Variants in IRX5 observed in about 807,000 individuals in gnomAD.
IRX5 encodes the protein iroquois-class homeodomain protein IRX-5.
In IRX5, 8 loss-of-function variants were observed where a neutral mutation model predicts 37.6. The observed-to-expected ratio is 0.21, with a 90% CI of 0.12 to 0.38. The LOEUF is 0.38. Among genes scored for constraint, IRX5 ranks in the 10% least tolerant of loss-of-function variants. The pLI is 1.00. For synonymous variants in IRX5, 359 were observed against 328.6 expected, an observed-to-expected ratio of 1.09 and a Z score of -1.00; for missense variants, 635 against 695.2, an observed-to-expected ratio of 0.91 and a Z score of 0.97.
In IRX5 at chr16:54,932,901, C is replaced by T; in HGVS notation, c.653C>T (p.Ala218Val). ...AAGGGCGACCCCGAGGGCCCCGAAG[C>T]AGGTTGGTGGACATGGGAAAGGGCG... ...EDKGDPEGPE[A>V]GGAEQKAASG... The change falls in exon 2 of 3, where the codon GCA (alanine) becomes GTA (valine). Residue 218 changes from alanine to valine, a missense_variant and splice_region_variant. Ala to Val is a moderately conservative substitution (Grantham distance 64). Coordinates refer to ENST00000394636, the MANE Select transcript of IRX5 (RefSeq NM_005853.6). This position sits in a 1 kb window ranked among gnomAD's most constrained non-coding sequence, Gnocchi z 6.7. 6.2e-7 allele frequency: 1 copy of T among 1,609,144 alleles called. No individual in the cohort carries two copies. Among genetic ancestry groups the T allele is most frequent in the African/African-American group, 1.3e-5 (1 of 74,626 alleles).
rs1180456488 is a variant in IRX5, at chr16:54,933,165, C to G, written c.744C>G (p.Ser248Arg). 44 of 1,570,766 alleles carry G rather than the reference C, an allele frequency of 2.8e-5. No homozygotes were observed. The highest frequency in any genetic ancestry group is 5.4e-5 in the Admixed American group (3 of 55,760). ...PAGKETEGSL[S>R]DSDFKEPPSE... ...GCAAGGAGACGGAGGGCAGCCTCAG[C>G]GACTCGGATTTTAAGGAGCCGCCCT... is the stretch of plus-strand genomic sequence containing the variant. Residue 248 changes from serine (S) to arginine (R), a missense_variant, in exon 3 of 3, where the codon AGC (serine) becomes AGG (arginine). Ser to Arg is a moderately radical substitution (Grantham distance 110, BLOSUM62 -1). Coordinates refer to ENST00000394636, the MANE Select transcript of IRX5 (RefSeq NM_005853.6).
Position 54,931,184 on chromosome 16 carries a change from T to C in IRX5, c.-15T>C. The stretch of plus-strand genomic sequence containing the variant: ...GGCGGCCGCGGCGCGGCGCGCCCCA[T>C]GCCCGTGTGTGGCCATGTCCTATCC... On this transcript the variant is annotated 5_prime_UTR_variant, in exon 1 of 3. An upstream start codon of the reference 5' UTR is lost. Coordinates refer to ENST00000394636, the MANE Select transcript of IRX5 (RefSeq NM_005853.6). 1 of 1,559,778 alleles carries C rather than the reference T, an allele frequency of 6.4e-7. No homozygotes were observed. Among genetic ancestry groups the C allele is most frequent in the Non-Finnish European group, 8.7e-7 (1 of 1,155,522 alleles).
Position 54,933,606 on chromosome 16 carries a change from G to A in IRX5, c.1185G>A (p.Gly395=). 1.2e-6 allele frequency: 2 copies of A among 1,610,912 alleles called. No homozygotes were observed. Among genetic ancestry groups the A allele is most frequent in the Non-Finnish European group, 1.7e-6 (2 of 1,178,208 alleles). Residue 395 remains glycine, a synonymous_variant, in exon 3 of 3, where the codon GGG becomes GGA. Transcript: ENST00000394636. ...CGGCGCAGTGTCCTTTTCCAGGCGG[G>A]ACGGTGCTGTCCCGGCCTCTCTACT... ...SPSAQCPFPG[G]TVLSRPLYYT... is the part of the protein sequence containing the mutation.
chr16:54,932,066 G>T lies in IRX5; in HGVS notation c.250-432G>T. The stretch of plus-strand genomic sequence containing the variant: ...TTGCATTTCTTAGCTGTTGAAAAAA[G>T]AAAAAAAGAGCCTTGACTTCCCTTG... On this transcript the variant is annotated intron_variant, in intron 1 of 2. Transcript: ENST00000394636. This position sits in a 1 kb window ranked among gnomAD's most constrained non-coding sequence, Gnocchi z 6.7. The T allele has an allele frequency of 1.4e-6, 1 of 702,186 alleles. No homozygotes were observed. Among genetic ancestry groups the T allele is most frequent in the Non-Finnish European group, 2.6e-6 (1 of 384,818 alleles). 43.5% of individuals were successfully genotyped at this position (702,186 alleles called of 1,614,324 possible). A position where few individuals can be genotyped will look rare whatever the true frequency, so the allele number is the denominator to read the frequency against.
At chr16:54,931,538 C>G in intron 1 of IRX5, 91 bp downstream of exon 1, 2 of 1,400,406 alleles carry the variant, frequency 1.4e-6, no homozygotes, top group Non-Finnish European at 1.9e-6. Flanking sequence ...GGCGCCAACA[C>G]CGACCTCCCC....
rs2142355276 is a variant in IRX5, at chr16:54,933,318, C to T, written c.897C>T (p.Gly299=). The T allele has an allele frequency of 6.9e-7, 1 of 1,449,994 alleles. No individual in the cohort carries two copies. Among genetic ancestry groups the T allele is most frequent in the Non-Finnish European group, 9.0e-7 (1 of 1,106,254 alleles). 89.8% of individuals were successfully genotyped at this position (1,449,994 alleles called of 1,614,324 possible). The part of the protein sequence containing the change: ...PHYPAGAPAP[G]PHPAAGEVPP... ...ACCCCGCCGGAGCGCCGGCGCCCGG[C>T]CCGCATCCAGCCGCGGGCGAGGTGC... is the stretch of plus-strand genomic sequence containing the variant. The change falls in exon 3 of 3, where the codon GGC becomes GGT. Residue 299 remains glycine (G), a synonymous_variant. Transcript: ENST00000394636.
Position 54,932,250 on chromosome 16 carries a change from A to T in IRX5, c.250-248A>T. Reference sequence around the variant, plus strand: ...GGCAGATGGGGGCCTACGGGGTGACACCGAGGCCGGGACAGCTTCAGGGGC... The same window carrying T: ...GGCAGATGGGGGCCTACGGGGTGACTCCGAGGCCGGGACAGCTTCAGGGGC... On this transcript the variant is annotated intron_variant, in intron 1 of 2. Transcript: ENST00000394636. This position sits in a 1 kb window ranked among gnomAD's most constrained non-coding sequence, Gnocchi z 6.7. 1.5e-6 allele frequency: 1 copy of T among 681,680 alleles called. No individual in the cohort carries two copies. Among genetic ancestry groups the T allele is most frequent in the African/African-American group, 1.8e-5 (1 of 56,228 alleles). 42.2% of individuals were successfully genotyped at this position (681,680 alleles called of 1,614,324 possible).
chr16:54,933,420 A>G lies in IRX5; in HGVS notation c.999A>G (p.Lys333=). 6.2e-7 allele frequency: 1 copy of G among 1,608,128 alleles called. No homozygotes were observed. Among genetic ancestry groups the G allele is most frequent in the Non-Finnish European group, 8.5e-7 (1 of 1,178,330 alleles). The change falls in exon 3 of 3, where the codon AAA becomes AAG. Residue 333 remains lysine, a synonymous_variant. Coordinates refer to ENST00000394636, the MANE Select transcript of IRX5 (RefSeq NM_005853.6). The part of the protein sequence containing the change: ...PPPPAVLAKP[K]LWSLAEIATS... ...CTCCTGCGGTGCTCGCCAAGCCCAA[A>G]CTGTGGTCTTTGGCAGAGATCGCCA... is the stretch of plus-strand genomic sequence containing the variant.
At position 54,931,118 on chromosome 16, in the gene IRX5, T is replaced by G; in HGVS notation, c.-81T>G. 1 of 1,156,016 alleles carries G rather than the reference T, an allele frequency of 8.7e-7. No homozygotes were observed. Among genetic ancestry groups the G allele is most frequent in the Non-Finnish European group, 1.1e-6 (1 of 928,042 alleles). 71.6% of individuals were successfully genotyped at this position (1,156,016 alleles called of 1,614,324 possible). A position where few individuals can be genotyped will look rare whatever the true frequency, so the allele number is the denominator to read the frequency against. ...CGGCCCAGGGCAGCCAGAGGCCAGG[T>G]GCCCGCCCGCTCGCCCTCGCAGGGC... On this transcript the variant is annotated 5_prime_UTR_variant, in exon 1 of 3. Coordinates refer to ENST00000394636, the MANE Select transcript of IRX5 (RefSeq NM_005853.6).
Position 54,933,546 on chromosome 16 carries a change from G to A in IRX5, c.1125G>A (p.Arg375=). 3 of 1,607,666 alleles carry A rather than the reference G, an allele frequency of 1.9e-6. No individual in the cohort carries two copies. Among genetic ancestry groups the A allele is most frequent in the Non-Finnish European group, 2.5e-6 (3 of 1,176,940 alleles). ...CCGGGCAAGCCCTAGGAGGCAGCCGGGCGTCGCCGGCCCCGGCGCCGTCAC... is the reference window on the plus strand; with the variant it reads ...CCGGGCAAGCCCTAGGAGGCAGCCGAGCGTCGCCGGCCCCGGCGCCGTCAC... ...PIAGQALGGS[R]ASPAPAPSRS... Residue 375 remains arginine, a synonymous_variant, in exon 3 of 3, where the codon CGG becomes CGA. Coordinates refer to ENST00000394636, the MANE Select transcript of IRX5 (RefSeq NM_005853.6).
In IRX5 at chr16:54,932,800, C is replaced by T. The variant is rs756659530; in HGVS notation, c.552C>T (p.Arg184=). Residue 184 remains arginine, a synonymous_variant, in exon 2 of 3, where the codon CGC becomes CGT. Coordinates refer to ENST00000394636, the MANE Select transcript of IRX5 (RefSeq NM_005853.6). This position sits in a 1 kb window ranked among gnomAD's most constrained non-coding sequence, Gnocchi z 6.7. ...ENKMTWTPRN[R]SEDEEEEENI... is the part of the protein sequence containing the mutation. ...AAATGACGTGGACGCCGCGGAACCGCAGCGAGGACGAGGAAGAGGAGGAGA... is the reference window on the plus strand; with the variant it reads ...AAATGACGTGGACGCCGCGGAACCGTAGCGAGGACGAGGAAGAGGAGGAGA... The T allele has an allele frequency of 6.1e-5, 99 of 1,614,048 alleles. No homozygotes were observed. Among genetic ancestry groups the T allele is most frequent in the Non-Finnish European group, 8.4e-5 (99 of 1,180,044 alleles).
Position 54,931,093 on chromosome 16 carries a change from C to T in IRX5, c.-106C>T. 2 of 851,780 alleles carry T rather than the reference C, an allele frequency of 2.3e-6. No individual in the cohort carries two copies. Among genetic ancestry groups the T allele is most frequent in the Non-Finnish European group, 2.9e-6 (2 of 681,400 alleles). 52.8% of individuals were successfully genotyped at this position (851,780 alleles called of 1,614,324 possible). On this transcript the variant is annotated 5_prime_UTR_variant, in exon 1 of 3. Coordinates refer to ENST00000394636, the MANE Select transcript of IRX5 (RefSeq NM_005853.6). ...CCCGGAGCCGGGGCCAGAGGAGCGG[C>T]GGCCCAGGGCAGCCAGAGGCCAGGT... is the stretch of plus-strand genomic sequence containing the variant.
Position 54,933,547 on chromosome 16 carries a change from G to T in IRX5, c.1126G>T (p.Ala376Ser), listed in dbSNP as rs1567391505. ...CGGGCAAGCCCTAGGAGGCAGCCGG[G>T]CGTCGCCGGCCCCGGCGCCGTCACG... ...IAGQALGGSR[A>S]SPAPAPSRSP... Residue 376 changes from alanine to serine, a missense_variant, in exon 3 of 3, where the codon GCG becomes TCG. Around this residue, in one of 5 missense-constraint regions of IRX5, gnomAD observed 188 missense variants for 200.8 expected, o/e 0.94. Transcript: ENST00000394636. The T allele has an allele frequency of 1.9e-6, 3 of 1,607,728 alleles. No individual in the cohort carries two copies. In the South Asian group the frequency reaches 3.3e-5, roughly 18 times the overall value.
In IRX5 at chr16:54,933,883, C is replaced by G; in HGVS notation, c.*10C>G. ...TATGTCCGACATTTAACGCGGGCTG[C>G]GTCGGTCCCGGACTTTTCTAATTTA... On this transcript the variant is annotated 3_prime_UTR_variant, in exon 3 of 3. Transcript: ENST00000394636. 1 of 1,574,108 alleles carries G rather than the reference C, an allele frequency of 6.4e-7. No homozygotes were observed. The highest frequency in any genetic ancestry group is 1.1e-5 in the South Asian group (1 of 87,074).
chr16:54,931,077 G>T lies in IRX5; in HGVS notation c.-122G>T. The T allele has an allele frequency of 1.5e-6, 1 of 681,020 alleles. No homozygotes were observed. 42.2% of individuals were successfully genotyped at this position (681,020 alleles called of 1,614,324 possible). A position where few individuals can be genotyped will look rare whatever the true frequency, so the allele number is the denominator to read the frequency against. On this transcript the variant is annotated 5_prime_UTR_variant, in exon 1 of 3. Transcript: ENST00000394636. ...CGCCGCGGGCCGGAGCCCCGGAGCC[G>T]GGGCCAGAGGAGCGGCGGCCCAGGG... is the stretch of plus-strand genomic sequence containing the variant.
At chr16:54,931,866 C>G (rs754634000) in intron 1 of IRX5, among the ~76,000 whole-genome samples, 1 of 152,186 alleles carries the variant, frequency 6.6e-6, no homozygotes, top group Non-Finnish European at 1.5e-5. Flanking sequence ...TTAATTAGTC[C>G]TCCAAAATGT....
At position 54,932,776 on chromosome 16, in the gene IRX5, A is replaced by G; in HGVS notation, c.528A>G (p.Lys176=). ...GCCGGCGCCTCAAGAAAGAGAATAAAATGACGTGGACGCCGCGGAACCGCA... is the reference window on the plus strand; with the variant it reads ...GCCGGCGCCTCAAGAAAGAGAATAAGATGACGTGGACGCCGCGGAACCGCA... ...NARRRLKKEN[K]MTWTPRNRSE... Residue 176 remains lysine (K), a synonymous_variant, in exon 2 of 3, where the codon AAA becomes AAG. Coordinates refer to ENST00000394636, the MANE Select transcript of IRX5 (RefSeq NM_005853.6). The surrounding 1 kb of genome is among the most constrained non-coding windows in gnomAD (Gnocchi z 6.7). The G allele has an allele frequency of 6.2e-7, 1 of 1,613,954 alleles. No individual in the cohort carries two copies. The highest frequency in any genetic ancestry group is 8.5e-7 in the Non-Finnish European group (1 of 1,179,986).
chr16:54,933,650 C>T lies in IRX5; in HGVS notation c.1229C>T (p.Pro410Leu), dbSNP rs1193472199. The part of the protein sequence containing the change: ...RPLYYTAPFY[P>L]GYTNYGSFGH... The stretch of plus-strand genomic sequence containing the variant: ...CTCTACTACACCGCGCCCTTCTATC[C>T]CGGCTACACGAACTATGGCTCCTTC... The change falls in exon 3 of 3, where the codon CCC becomes CTC. Residue 410 changes from proline to leucine, a missense_variant. Transcript: ENST00000394636. 20 of 1,610,720 alleles carry T rather than the reference C, an allele frequency of 1.2e-5. No individual in the cohort carries two copies. The highest frequency in any genetic ancestry group is 1.7e-5 in the Non-Finnish European group (20 of 1,177,470).
chr16:54,931,875 G>A (rs1371375916), intron 1 of IRX5, among the ~76,000 whole-genome samples: 1 of 152,160 alleles, frequency 6.6e-6, no homozygotes, highest in Admixed American at 6.5e-5. Context: ...CCTCCAAAAT[G>A]TTGCAAATCC....
Sources: allele counts gnomAD v4.1 joint callset (sites outside exome capture counted in the v4.1 genomes callset), GRCh38; gene constraint gnomAD v4.1.1; regional missense constraint gnomAD v4.1.1; non-coding constraint Gnocchi (gnomAD v3.1); transcripts MANE v1.5; gene names NCBI Gene and HGNC (gene_info 2026-07-23, HGNC 2026-07-21).